The following CFAP61 variants were observed in gnomAD, a reference collection of about 807,000 sequenced individuals.
The protein encoded by CFAP61 is cilia and flagella associated protein 61.
In CFAP61, 107 loss-of-function variants were observed where a neutral mutation model predicts 135.6. That is an observed-to-expected ratio of 0.79 (90% confidence interval 0.67 to 0.93). The LOEUF is 0.93. CFAP61 is among the 40% of genes least tolerant of loss of function. The probability of loss-of-function intolerance (pLI) is 0.00; values close to 1 mark genes in which losing one functional copy is unlikely to be tolerated. For missense variants in CFAP61, 1,507 were observed against 1,556.2 expected, an observed-to-expected ratio of 0.97 and a Z score of 0.53; for synonymous variants, 575 against 578.5, an observed-to-expected ratio of 0.99 and a Z score of 0.09.
intron 13 of CFAP61, among the ~76,000 whole-genome samples, chr20:20,173,359 T>A (rs6046695): frequency 2.6e-5 from 4 of 152,302 alleles, no homozygotes; most frequent in African/African-American, 9.6e-5. Flanking sequence ...TGTCAAACTA[T>A]CTGACAGAGT....
At chr20:20,147,632 T>C (rs897936979) in intron 9 of CFAP61, among the ~76,000 whole-genome samples, 1 of 152,276 alleles carries the variant, frequency 6.6e-6, no homozygotes, top group African/African-American at 2.4e-5. Context: ...TTGTAGATTC[T>C]GGATACTAGT....
At chr20:20,293,316 G>A (rs188430530) in intron 24 of CFAP61, among the ~76,000 whole-genome samples, 1 of 152,172 alleles carries the variant, frequency 6.6e-6, no homozygotes, top group African/African-American at 2.4e-5. Flanking sequence ...AGATTCTTTG[G>A]CTGGTGCTAT....
At chr20:20,067,209 A>ATG (rs1335344877) in intron 2 of CFAP61, among the ~76,000 whole-genome samples, 11 of 151,360 alleles carry the variant, frequency 7.3e-5, no homozygotes, top group East Asian at 1.9e-4. Flanking sequence ...ATACGTGTGT[A>ATG]TGTGTGTGTG....
intron 18 of CFAP61, among the ~76,000 whole-genome samples, chr20:20,235,251 CT>C (rs1316393409): frequency 5.3e-5 from 8 of 152,092 alleles, no homozygotes; most frequent in African/African-American, 1.9e-4. Flanking sequence ...ACATTAAACT[CT>C]CCCCTCCTTT....
At chr20:20,155,128 A>C (rs544537869) in intron 9 of CFAP61, among the ~76,000 whole-genome samples, 19 of 152,236 alleles carry the variant, frequency 1.2e-4, no homozygotes, top group African/African-American at 4.6e-4. Context: ...CAAATACTTA[A>C]GAGCCAACTA....
intron 7 of CFAP61, chr20:20,095,829 C>G (rs1014470494): frequency 3.3e-5 from 5 of 152,228 alleles, no homozygotes; most frequent in Admixed American, 6.5e-5. Flanking sequence ...AAAACCCTCA[C>G]AGTGGAATAT....
Position 20,138,646 on chromosome 20 carries a change from A to G in CFAP61, c.860-4211A>G, listed in dbSNP as rs966516793. Among the ~76,000 whole-genome samples, 5 of 152,220 alleles carry G rather than the reference A, an allele frequency of 3.3e-5. 1 individual carries two copies. Among genetic ancestry groups the G allele is most frequent in the African/African-American group, 4.8e-5 (2 of 41,458 alleles). ...CCTCTTCAGTGCCTCTTTCAGTGAT[A>G]TGAAGTTAAAACCAGATAGTGTGAT... is the stretch of plus-strand genomic sequence containing the variant. On this transcript the variant is annotated intron_variant, in intron 8 of 26. Coordinates refer to ENST00000245957, the MANE Select transcript of CFAP61 (RefSeq NM_015585.4).
chr20:20,151,095 A>G (rs1273519644), intron 9 of CFAP61, among the ~76,000 whole-genome samples: 13 of 152,162 alleles, frequency 8.5e-5, no homozygotes, highest in Admixed American at 8.5e-4. Flanking sequence ...AGAAAGTTAT[A>G]AAGCTCCTCA....
chr20:20,266,593 T>C (rs1396145725), intron 21 of CFAP61, among the ~76,000 whole-genome samples: 2 of 152,198 alleles, frequency 1.3e-5, no homozygotes, highest in Non-Finnish European at 2.9e-5. Context: ...AGATGGTCAA[T>C]TGAGATGAAG....
chr20:20,281,287 TA>T (rs147600732), intron 22 of CFAP61, among the ~76,000 whole-genome samples: 5,939 of 152,278 alleles, frequency 0.039, 383 homozygotes, highest in African/African-American at 0.14. Context: ...CAATGTTTAA[TA>T]AAAGTGGGGG....
chr20:20,226,565 G>A (rs1365466341), intron 17 of CFAP61, among the ~76,000 whole-genome samples: 7 of 152,170 alleles, frequency 4.6e-5, no homozygotes, highest in South Asian at 2.1e-4. Context: ...TATGGGTTTC[G>A]GGTAGGGTTT....
intron 25 of CFAP61, among the ~76,000 whole-genome samples, chr20:20,340,617 T>C (rs1055632014): frequency 6.6e-6 from 1 of 151,842 alleles, no homozygotes; most frequent in Non-Finnish European, 1.5e-5. Context: ...GCACCTGGGC[T>C]GTTGGAACAG....
At chr20:20,319,723 A>G (rs555761280) in intron 25 of CFAP61, among the ~76,000 whole-genome samples, 5 of 152,360 alleles carry the variant, frequency 3.3e-5, no homozygotes, top group African/African-American at 1.2e-4. Flanking sequence ...GCAAGAATGG[A>G]CTAATACAAT....
At chr20:20,261,513 C>A (rs1431119493) in intron 20 of CFAP61, among the ~76,000 whole-genome samples, 2 of 152,184 alleles carry the variant, frequency 1.3e-5, no homozygotes, top group African/African-American at 2.4e-5. Context: ...TGCCCCTCTG[C>A]TTGCCCCCTT....
At position 20,251,405 on chromosome 20, in the gene CFAP61, C is replaced by T. The variant is rs2050890490; in HGVS notation, c.2160-190C>T. Among the ~76,000 whole-genome samples the T allele has an allele frequency of 2.0e-5, 3 of 150,480 alleles. No individual in the cohort carries two copies. The South Asian group carries it at 6.4e-4, about 32-fold the overall frequency. On this transcript the variant is annotated intron_variant, in intron 19 of 26. Coordinates refer to ENST00000245957, the MANE Select transcript of CFAP61 (RefSeq NM_015585.4). ...ACCTAAGCCAGGTGGAACAATTTAG[C>T]TTTAATGGGAAGATGTCAATTTGTA... is the stretch of plus-strand genomic sequence containing the variant.
intron 13 of CFAP61, among the ~76,000 whole-genome samples, chr20:20,185,309 G>C (rs909359223): frequency 1.3e-5 from 2 of 152,210 alleles, no homozygotes; most frequent in Non-Finnish European, 2.9e-5. Flanking sequence ...CTGGCAAATT[G>C]GTGGAGGATG....
At chr20:20,175,889 C>G (rs1008376701) in intron 13 of CFAP61, among the ~76,000 whole-genome samples, 2 of 151,830 alleles carry the variant, frequency 1.3e-5, no homozygotes, top group East Asian at 3.9e-4. Flanking sequence ...TGATTTATTA[C>G]AAAAGAAACT....
At chr20:20,058,149 A>G (rs2044521664) in intron 2 of CFAP61, among the ~76,000 whole-genome samples, 1 of 152,216 alleles carries the variant, frequency 6.6e-6, no homozygotes, top group Non-Finnish European at 1.5e-5. Context: ...TAAAGTTTGT[A>G]GTTTCTAATT....
At chr20:20,340,720 C>T (rs536879149) in intron 25 of CFAP61, among the ~76,000 whole-genome samples, 4 of 152,212 alleles carry the variant, frequency 2.6e-5, no homozygotes, top group East Asian at 1.9e-4. Flanking sequence ...GTGGGAGCTC[C>T]GATGGTGCCA....
Sources: allele counts gnomAD v4.1 joint callset (sites outside exome capture counted in the v4.1 genomes callset), GRCh38; gene constraint gnomAD v4.1.1; transcripts MANE v1.5; gene names NCBI Gene and HGNC (gene_info 2026-07-23, HGNC 2026-07-21).